TRAPPC9: variants seen among roughly 807,000 people sequenced by gnomAD.
The protein encoded by TRAPPC9 is trafficking protein particle complex subunit 9.
TRAPPC9 carries 83 observed loss-of-function variants against 124.0 expected under a neutral mutation model. The ratio of observed to expected loss-of-function variants is 0.67; its 90% CI spans 0.56 to 0.80. The LOEUF is 0.80. Among genes scored for constraint, TRAPPC9 ranks in the 30% least tolerant of loss-of-function variants. TRAPPC9 has a pLI of 0.00. For synonymous variants in TRAPPC9, 638 were observed against 617.5 expected (o/e 1.03, Z -0.49); for missense variants, 1,302 against 1,508.3 (o/e 0.86, Z 2.27).
chr8:140,200,353 A>C (rs2062759293), intron 17 of TRAPPC9, among the ~76,000 whole-genome samples: 1 of 152,062 alleles, frequency 6.6e-6, no homozygotes, highest in Non-Finnish European at 1.5e-5. Flanking sequence ...CAGAAGGGGG[A>C]GCTCAGTTCC....
At chr8:140,145,714 TTTTTG>T (rs1173808231) in intron 17 of TRAPPC9, among the ~76,000 whole-genome samples, 1 of 151,162 alleles carries the variant, frequency 6.6e-6, no homozygotes, top group African/African-American at 2.5e-5. Flanking sequence ...TTTGTTTTTG[TTTTTG>T]TTTTTTTTTA....
At chr8:139,952,700 G>A (rs1354945498) in intron 19 of TRAPPC9, among the ~76,000 whole-genome samples, 1 of 152,216 alleles carries the variant, frequency 6.6e-6, no homozygotes, top group Non-Finnish European at 1.5e-5. Flanking sequence ...GAGGGGTGCT[G>A]GTGGGGCACC....
chr8:140,179,460 T>C (rs1186407758), intron 17 of TRAPPC9, among the ~76,000 whole-genome samples: 3 of 152,102 alleles, frequency 2.0e-5, no homozygotes, highest in Non-Finnish European at 2.9e-5. Flanking sequence ...GATTTAAATA[T>C]TTTAAAATTT....
At chr8:140,133,235 A>G (rs2130721291) in intron 17 of TRAPPC9, among the ~76,000 whole-genome samples, 1 of 152,342 alleles carries the variant, frequency 6.6e-6, no homozygotes, top group Middle Eastern at 3.4e-3. Flanking sequence ...ATTTATTCCT[A>G]GAACGTAAGG....
At chr8:140,383,000 T>C (rs1375322589) in intron 7 of TRAPPC9, among the ~76,000 whole-genome samples, 1 of 152,246 alleles carries the variant, frequency 6.6e-6, no homozygotes, top group Non-Finnish European at 1.5e-5. Flanking sequence ...ACATTTGCTG[T>C]TCAGCAATAT....
chr8:140,319,236 C>T (rs1403081884), intron 9 of TRAPPC9, among the ~76,000 whole-genome samples: 1 of 135,922 alleles, frequency 7.4e-6, no homozygotes, highest in Admixed American at 8.5e-5. Flanking sequence ...AGTGCAGTGG[C>T]GCGATCTCGG....
At chr8:140,106,099 T>C (rs1382082080) in intron 17 of TRAPPC9, among the ~76,000 whole-genome samples, 3 of 150,398 alleles carry the variant, frequency 2.0e-5, no homozygotes, top group African/African-American at 7.4e-5. Context: ...AAGTGCGGGA[T>C]GATGAATCAC....
At chr8:140,133,898 G>A (rs1326750707) in intron 17 of TRAPPC9, among the ~76,000 whole-genome samples, 8 of 145,742 alleles carry the variant, frequency 5.5e-5, no homozygotes, top group African/African-American at 2.0e-4. Flanking sequence ...AAAAAAAAAA[G>A]GATGACCTAA....
intron 19 of TRAPPC9, among the ~76,000 whole-genome samples, chr8:139,987,878 C>T (rs923662863): frequency 5.3e-5 from 8 of 152,182 alleles, no homozygotes; most frequent in African/African-American, 1.9e-4. Flanking sequence ...CCAGCTCTCA[C>T]TTCCGCATCA....
chr8:140,033,659 T>TG lies in TRAPPC9; in HGVS notation c.2557-9581_2557-9580insC, dbSNP rs1563706560. Among the ~76,000 whole-genome samples, 43 of 20,170 alleles carry TG rather than the reference T, an allele frequency of 2.1e-3. 1 individual carries two copies. The highest frequency in any genetic ancestry group is 0.02 in the African/African-American group (40 of 2,034). The allele number at this position is 20,170 out of a possible 152,430, so 13.2% of individuals were successfully genotyped here. A position where few individuals can be genotyped will look rare whatever the true frequency, so the allele number is the denominator to read the frequency against. ...TGAAATGCAACTCTTCATAATGTGG[T>TG]TTTTTTTTTTTTTTTTTTTTTTTTT... On this transcript the variant is annotated intron_variant, in intron 17 of 22. Transcript: ENST00000438773.
At chr8:139,831,147 G>T (rs1026377259) in intron 21 of TRAPPC9, among the ~76,000 whole-genome samples, 2 of 152,184 alleles carry the variant, frequency 1.3e-5, no homozygotes, top group African/African-American at 4.8e-5. Context: ...TGAACCCAGG[G>T]CACGCAGGCT....
At chr8:139,885,994 A>G in intron 20 of TRAPPC9, 25 bp from the exon 21 acceptor site, 11 of 1,552,430 alleles carry the variant, frequency 7.1e-6, no homozygotes, top group Non-Finnish European at 9.6e-6. Context: ...AGGAAAACGC[A>G]ACTCCTGCGG....
Position 139,797,117 on chromosome 8 carries a change from C to T in TRAPPC9, c.3056-64915G>A, listed in dbSNP as rs572374000. On this transcript the variant is annotated intron_variant, in intron 21 of 22. Coordinates refer to ENST00000438773, the MANE Select transcript of TRAPPC9 (RefSeq NM_001160372.4). Reference sequence around the variant, plus strand: ...TTATTTGTCTTTTTTACTGTTGAGTCGAAAGAGGTCTTCGTATATTCTGGA... The same window carrying T: ...TTATTTGTCTTTTTTACTGTTGAGTTGAAAGAGGTCTTCGTATATTCTGGA... 5.9e-5 allele frequency among the ~76,000 whole-genome samples: 9 copies of T among 151,898 alleles called. No individual in the cohort carries two copies. In the East Asian group the frequency reaches 9.7e-4, roughly 16 times the overall value.
intron 14 of TRAPPC9, among the ~76,000 whole-genome samples, chr8:140,279,433 T>C (rs1033845166): frequency 2.0e-5 from 3 of 152,226 alleles, no homozygotes; most frequent in African/African-American, 7.2e-5. Flanking sequence ...ACTCAAAGAA[T>C]AGTCACATTT....
chr8:140,439,109 GCAC>G lies in TRAPPC9; in HGVS notation c.670_672del (p.Val224del). Reference sequence around the variant, plus strand: ...AGCAGCTCCACCGACATGTGGTAATGCACCAGGGAGTCCTGCAGCATCCCTGCC... The same window carrying G: ...AGCAGCTCCACCGACATGTGGTAATGCAGGGAGTCCTGCAGCATCCCTGCC... On this transcript the variant is annotated inframe_deletion, in exon 3 of 23. Transcript: ENST00000438773. 6.2e-7 allele frequency: 1 copy of G among 1,614,192 alleles called. No individual in the cohort carries two copies.
At chr8:139,774,007 G>A (rs1241723319) in intron 21 of TRAPPC9, among the ~76,000 whole-genome samples, 1 of 152,214 alleles carries the variant, frequency 6.6e-6, no homozygotes, top group African/African-American at 2.4e-5. Context: ...AGGGGAGAGA[G>A]GAGCACGGTG....
intron 20 of TRAPPC9, among the ~76,000 whole-genome samples, chr8:139,901,001 T>A (rs557118064): frequency 5.9e-4 from 51 of 85,760 alleles, no homozygotes; most frequent in African/African-American, 1.5e-3. Flanking sequence ...AATAAATAAA[T>A]AAAATAAATA....
intron 17 of TRAPPC9, among the ~76,000 whole-genome samples, chr8:140,069,312 C>G (rs1843023584): frequency 6.6e-6 from 1 of 152,202 alleles, no homozygotes; most frequent in Non-Finnish European, 1.5e-5. Context: ...CCTGCCCACC[C>G]CACCTGGGCA....
intron 21 of TRAPPC9, among the ~76,000 whole-genome samples, chr8:139,743,692 T>C (rs1818704801): frequency 6.6e-6 from 1 of 152,200 alleles, no homozygotes; most frequent in Non-Finnish European, 1.5e-5. Context: ...GAGAGAGGAC[T>C]GCAAAGCCAA....
Sources: gnomAD v4.1 joint callset for allele counts (sites outside exome capture counted in the v4.1 genomes callset) on GRCh38, gnomAD v4.1.1 for gene constraint, MANE v1.5 for transcripts, NCBI Gene and HGNC (gene_info 2026-07-23, HGNC 2026-07-21) for gene names.